Variants in FOXP2 observed in about 807,000 individuals in gnomAD.
FOXP2 encodes the protein forkhead box protein P2.
A neutral mutation model predicts 115.8 loss-of-function variants in FOXP2; 12 were observed. The ratio of observed to expected loss-of-function variants is 0.10; its 90% CI spans 0.07 to 0.17. FOXP2 has a LOEUF of 0.17. Ranked by LOEUF, FOXP2 falls within the 10% of genes least tolerant of loss-of-function variation. The pLI, the probability that FOXP2 is intolerant of heterozygous loss-of-function variation, is 1.00. For synonymous variants in FOXP2, 328 were observed against 297.7 expected (o/e 1.10, Z -1.05); for missense variants, 629 against 843.5 (o/e 0.75, Z 3.15).
intron 2 of FOXP2, among the ~76,000 whole-genome samples, chr7:114,460,198 G>A (rs1283914191): frequency 6.6e-6 from 1 of 152,048 alleles, no homozygotes; most frequent in Admixed American, 6.6e-5. Context: ...CAGGCCCTGG[G>A]CATCCATACA....
intron 2 of FOXP2, among the ~76,000 whole-genome samples, chr7:114,459,787 TG>T (rs1315491971): frequency 6.6e-6 from 1 of 152,082 alleles, no homozygotes; most frequent in Non-Finnish European, 1.5e-5. Flanking sequence ...GGCTACTTTT[TG>T]TATTATTAGG....
chr7:114,683,804 G>A (rs1585026264), intron 16 of FOXP2, among the ~76,000 whole-genome samples: 1 of 152,264 alleles, frequency 6.6e-6, no homozygotes, highest in East Asian at 1.9e-4. Context: ...GATGTTTTGA[G>A]TCTGAAATGG....
At chr7:114,310,509 T>TA (rs1797122500) in intron 2 of FOXP2, among the ~76,000 whole-genome samples, 1 of 149,706 alleles carries the variant, frequency 6.7e-6, no homozygotes, top group South Asian at 2.1e-4. Flanking sequence ...AGATTAGCTG[T>TA]CTTTTTTTTT....
At chr7:114,534,977 A>C (rs938952111) in intron 3 of FOXP2, among the ~76,000 whole-genome samples, 6 of 151,934 alleles carry the variant, frequency 3.9e-5, no homozygotes, top group Admixed American at 3.9e-4. Context: ...TTTTGCATAA[A>C]ACCCCCTTGT....
At chr7:114,333,891 T>TAA (rs200699753) in intron 2 of FOXP2, among the ~76,000 whole-genome samples, 24 of 139,592 alleles carry the variant, frequency 1.7e-4, no homozygotes, top group South Asian at 6.8e-4. Flanking sequence ...CCATCTCAAT[T>TAA]AAAAAAAAAA....
At chr7:114,136,313 A>G (rs573961788) in intron 1 of FOXP2, among the ~76,000 whole-genome samples, 1 of 152,138 alleles carries the variant, frequency 6.6e-6, no homozygotes, top group Non-Finnish European at 1.5e-5. Context: ...GGTTTACCCC[A>G]TTGGAGAGCT....
At chr7:114,438,192 C>T (rs1794437933) in intron 2 of FOXP2, among the ~76,000 whole-genome samples, 1 of 152,042 alleles carries the variant, frequency 6.6e-6, no homozygotes, top group Admixed American at 6.6e-5. Flanking sequence ...AGGTTTGAGG[C>T]ATTGTAGCTT....
At chr7:114,508,589 A>G (rs1007314450) in intron 2 of FOXP2, among the ~76,000 whole-genome samples, 5 of 151,962 alleles carry the variant, frequency 3.3e-5, no homozygotes, top group Non-Finnish European at 5.9e-5. Context: ...GGAGCAGGAA[A>G]CCTAAAGGGT....
rs1792577504 is a variant in FOXP2, at chr7:114,390,750, A to T, written c.-10-35752A>T. On this transcript the variant is annotated intron_variant, in intron 2 of 17. Transcript: ENST00000634411. ...TTTTTTTTCTTTCTTTAGAGGCAGG[A>T]TTTCTCCATGTTCCCCAGGCTGGTC... Among the ~76,000 whole-genome samples the T allele has an allele frequency of 8.6e-5, 13 of 151,498 alleles. No homozygotes were observed. In the South Asian group the frequency reaches 2.7e-3, roughly 32 times the overall value.
upstream of FOXP2, among the ~76,000 whole-genome samples, chr7:114,410,583 G>A (rs578190048): frequency 3.3e-5 from 5 of 152,066 alleles, no homozygotes; most frequent in African/African-American, 1.2e-4. Flanking sequence ...TTTCCTTTTT[G>A]TTTTATGTAA....
intron 2 of FOXP2, among the ~76,000 whole-genome samples, chr7:114,397,983 T>G (rs904307957): frequency 6.7e-6 from 1 of 148,428 alleles, no homozygotes; most frequent in Admixed American, 6.7e-5. Context: ...GAAGATTAAG[T>G]TTTTTTTTTC....
chr7:114,228,835 A>C (rs1378874824), intron 1 of FOXP2, among the ~76,000 whole-genome samples: 1 of 137,286 alleles, frequency 7.3e-6, no homozygotes, highest in Non-Finnish European at 1.6e-5. Context: ...ACAGGGAAAA[A>C]GGGACAAAAG....
At chr7:114,561,886 C>A (rs1358177151) in intron 3 of FOXP2, among the ~76,000 whole-genome samples, 2 of 152,064 alleles carry the variant, frequency 1.3e-5, no homozygotes, top group Non-Finnish European at 2.9e-5. Context: ...AACTCCTGGG[C>A]TCAAGTCATT....
intron 1 of FOXP2, among the ~76,000 whole-genome samples, chr7:114,219,190 T>C (rs1794558199): frequency 1.3e-5 from 2 of 152,064 alleles, no homozygotes; most frequent in African/African-American, 4.8e-5. Context: ...TTATAAAATT[T>C]TTCAAATACA....
chr7:114,540,456 G>GA (rs994929887), intron 3 of FOXP2, among the ~76,000 whole-genome samples: 1 of 151,242 alleles, frequency 6.6e-6, no homozygotes, highest in Admixed American at 6.6e-5. Context: ...TTTGGAGGAG[G>GA]AAAAAAAACA....
chr7:114,501,356 A>C (rs1797560388), intron 2 of FOXP2, among the ~76,000 whole-genome samples: 1 of 152,092 alleles, frequency 6.6e-6, no homozygotes, highest in Admixed American at 6.6e-5. Context: ...TGCGGTTTTC[A>C]TTTCTCACCT....
intron 1 of FOXP2, among the ~76,000 whole-genome samples, chr7:114,126,862 T>G (rs1791723548): frequency 6.6e-6 from 1 of 152,204 alleles, no homozygotes; most frequent in South Asian, 2.1e-4. Context: ...CTGATTCCCT[T>G]CACTTTTTCT....
At chr7:114,626,563 C>A (rs554661204) in intron 3 of FOXP2, among the ~76,000 whole-genome samples, 92 of 150,052 alleles carry the variant, frequency 6.1e-4, no homozygotes, top group African/African-American at 1.8e-3. Context: ...GTCTCTCTCT[C>A]TATATATATC....
intron 1 of FOXP2, among the ~76,000 whole-genome samples, chr7:114,281,057 A>G (rs539003674): frequency 1.3e-5 from 2 of 151,782 alleles, no homozygotes; most frequent in South Asian, 2.1e-4. Context: ...TAGTAATTGC[A>G]ATGACTGAAG....
Sources: allele counts gnomAD v4.1 joint callset (sites outside exome capture counted in the v4.1 genomes callset), GRCh38; gene constraint gnomAD v4.1.1; transcripts MANE v1.5; gene names NCBI Gene and HGNC (gene_info 2026-07-23, HGNC 2026-07-21).